FYB1: variants seen among roughly 807,000 people sequenced by gnomAD.
FYB1 encodes FYN-binding protein 1.
Under a neutral mutation model 94.1 loss-of-function variants are expected in FYB1, and 41 were observed. The observed-to-expected ratio is 0.44, with a 90% CI of 0.34 to 0.57. The LOEUF is 0.57. FYB1 is among the 20% of genes least tolerant of loss of function. The probability of loss-of-function intolerance (pLI) is 0.02; values close to 1 mark genes in which losing one functional copy is unlikely to be tolerated. For synonymous variants in FYB1, 367 were observed against 353.2 expected, an observed-to-expected ratio of 1.04 and a Z score of -0.44; for missense variants, 1,050 against 976.8, an observed-to-expected ratio of 1.07 and a Z score of -1.00.
In FYB1 at chr5:39,228,525, T is replaced by TGC. The variant is rs1554042374; in HGVS notation, c.-27-25539_-27-25538insGC. 2.7e-3 allele frequency among the ~76,000 whole-genome samples: 417 copies of TGC among 152,042 alleles called. 2 individuals are homozygous for TGC. The highest frequency in any genetic ancestry group is 0.01 in the Middle Eastern group (3 of 294). On this transcript the variant is annotated intron_variant, in intron 1 of 1. Transcript: ENST00000510188. The stretch of plus-strand genomic sequence containing the variant: ...CCAACTTTGGAAAAGTTGTCACCTA[T>TGC]AGTAATGTGTTGTCAGTTTCTTTCC...
chr5:39,244,569 A>G (rs1333935453), intron 1 of FYB1, among the ~76,000 whole-genome samples: 1 of 151,942 alleles, frequency 6.6e-6, no homozygotes, highest in African/African-American at 2.4e-5. Context: ...TTTTTGCATC[A>G]ATGCTCATCG....
chr5:39,259,253 A>G (rs1752114817), intron 1 of FYB1, among the ~76,000 whole-genome samples: 1 of 152,254 alleles, frequency 6.6e-6, no homozygotes, highest in South Asian at 2.1e-4. Flanking sequence ...AGAGATGCTG[A>G]TAATCATTCT....
intron 2 of FYB1, among the ~76,000 whole-genome samples, chr5:39,165,651 A>G (rs771218049): frequency 6.6e-6 from 1 of 152,220 alleles, no homozygotes; most frequent in Non-Finnish European, 1.5e-5. Context: ...ATTTAACTAA[A>G]CTAGAAAGCT....
Position 39,169,132 on chromosome 5 carries a change from A to G in FYB1, c.1136-15528T>C, listed in dbSNP as rs1479527609. 1.0e-5 allele frequency: 7 copies of G among 699,708 alleles called. No homozygotes were observed. The East Asian group carries it at 1.5e-4, about 15-fold the overall frequency. The allele number at this position is 699,708 out of a possible 1,614,324, so 43.3% of individuals were successfully genotyped here. A position where few individuals can be genotyped will look rare whatever the true frequency, so the allele number is the denominator to read the frequency against. Reference sequence around the variant, plus strand: ...AATAATCTTGTGCACATTCTCAGAAATTTTAGGCAATTGGCCTTCTTGCAG... The same window carrying G: ...AATAATCTTGTGCACATTCTCAGAAGTTTTAGGCAATTGGCCTTCTTGCAG... On this transcript the variant is annotated intron_variant, in intron 2 of 18. Coordinates refer to ENST00000512982, the MANE Select transcript of FYB1 (RefSeq NM_001465.6).
At chr5:39,219,384 T>C (rs1027963817) in intron 1 of FYB1, 59 bp downstream of exon 1, 79 of 969,550 alleles carry the variant, frequency 8.1e-5, no homozygotes, top group Non-Finnish European at 9.3e-5. Context: ...TGGTGCTTTT[T>C]TCCTGCTATA....
rs1327704833 is a variant in FYB1, at chr5:39,106,468, C to T, written c.*975G>A. On this transcript the variant is annotated 3_prime_UTR_variant, in exon 19 of 19. Coordinates refer to ENST00000512982, the MANE Select transcript of FYB1 (RefSeq NM_001465.6). ...ATGTACTGTTAGAGAAGGGCCCAAT[C>T]CAAACACTAGAATTTTAATAATTTC... The T allele has an allele frequency of 2.0e-5, 3 of 152,016 alleles. No individual in the cohort carries two copies. The highest frequency in any genetic ancestry group is 2.1e-4 in the South Asian group (1 of 4,814). The allele number at this position is 152,016 out of a possible 1,614,324, so 9.4% of individuals were successfully genotyped here. A position where few individuals can be genotyped will look rare whatever the true frequency, so the allele number is the denominator to read the frequency against.
At chr5:39,176,189 C>T (rs1296399760) in intron 2 of FYB1, among the ~76,000 whole-genome samples, 4 of 138,278 alleles carry the variant, frequency 2.9e-5, no homozygotes, top group African/African-American at 5.6e-5. Context: ...CTCACTCTGT[C>T]GCCCAGACTG....
chr5:39,217,325 A>G (rs1354725021), intron 1 of FYB1, among the ~76,000 whole-genome samples: 2 of 152,234 alleles, frequency 1.3e-5, no homozygotes, highest in Non-Finnish European at 2.9e-5. Context: ...CCTTCATTTT[A>G]CAAAAAAGAA....
chr5:39,209,407 A>G (rs1447320752), intron 1 of FYB1, among the ~76,000 whole-genome samples: 1 of 151,446 alleles, frequency 6.6e-6, no homozygotes, highest in East Asian at 1.9e-4. Flanking sequence ...GCTCACTGCA[A>G]TCTCTGCCTC....
chr5:39,179,293 G>A (rs1430858054), intron 2 of FYB1, among the ~76,000 whole-genome samples: 1 of 152,136 alleles, frequency 6.6e-6, no homozygotes, highest in African/African-American at 2.4e-5. Flanking sequence ...TTGCTAACAT[G>A]ACCACTGTGC....
At chr5:39,190,218 T>C (rs1747233425) in intron 2 of FYB1, among the ~76,000 whole-genome samples, 1 of 152,166 alleles carries the variant, frequency 6.6e-6, no homozygotes, top group Non-Finnish European at 1.5e-5. Context: ...TTTCTGTGGG[T>C]TTCACTGACC....
At position 39,240,280 on chromosome 5, in the gene FYB1, A is replaced by T. The variant is rs147343279; in HGVS notation, c.-28+34123T>A. On this transcript the variant is annotated intron_variant, in intron 1 of 1. Transcript: ENST00000510188. ...AGGCCCTGGCAAAGATTTCATGACA[A>T]AGATGCCAAAAGCAACTGCAATAAA... is the stretch of plus-strand genomic sequence containing the variant. 7.4e-4 allele frequency among the ~76,000 whole-genome samples: 112 copies of T among 152,338 alleles called. 1 individual carries two copies. The Middle Eastern group carries it at 0.014, about 19-fold the overall frequency.
At chr5:39,136,083 T>C (rs1741652839) in intron 7 of FYB1, among the ~76,000 whole-genome samples, 1 of 152,194 alleles carries the variant, frequency 6.6e-6, no homozygotes, top group Non-Finnish European at 1.5e-5. Flanking sequence ...TTGTTATTTT[T>C]TTTTGAGATG....
chr5:39,247,898 T>TGTTTTGTTTTGTTTG, intron 1 of FYB1, among the ~76,000 whole-genome samples: 1 of 152,042 alleles, frequency 6.6e-6, no homozygotes. Flanking sequence ...GTTTTTGTTT[T>TGTTTTGTTTTGTTTG]GTTTTGTTTT....
intron 2 of FYB1, among the ~76,000 whole-genome samples, chr5:39,184,189 C>A (rs57416689): frequency 2.0e-5 from 3 of 152,104 alleles, no homozygotes; most frequent in African/African-American, 7.2e-5. Context: ...CAAAAACTAT[C>A]TAAAGCAGAT....
At chr5:39,192,201 A>G (rs544621232) in intron 2 of FYB1, among the ~76,000 whole-genome samples, 40 of 152,240 alleles carry the variant, frequency 2.6e-4, no homozygotes, top group Non-Finnish European at 3.2e-4. Context: ...TGTATGCACA[A>G]TCGAAAGGAA....
At chr5:39,121,183 CAAA>C (rs56376626) in intron 14 of FYB1, among the ~76,000 whole-genome samples, 34 of 57,664 alleles carry the variant, frequency 5.9e-4, no homozygotes, top group African/African-American at 9.6e-4. Flanking sequence ...TAATGTAAAG[CAAA>C]AAAAAAAAAA....
chr5:39,234,799 C>G (rs1014347722), intron 1 of FYB1, among the ~76,000 whole-genome samples: 17 of 151,996 alleles, frequency 1.1e-4, no homozygotes, highest in Non-Finnish European at 2.2e-4. Context: ...AACAGAAAAC[C>G]AAACACCACA....
chr5:39,186,102 G>A (rs1746761142), intron 2 of FYB1, among the ~76,000 whole-genome samples: 1 of 151,980 alleles, frequency 6.6e-6, no homozygotes, highest in South Asian at 2.1e-4. Flanking sequence ...CAGAAACGGT[G>A]GACAATTGAA....
Sources: gnomAD v4.1 joint callset for allele counts (sites outside exome capture counted in the v4.1 genomes callset) on GRCh38, gnomAD v4.1.1 for gene constraint, MANE v1.5 for transcripts, NCBI Gene and HGNC (gene_info 2026-07-23, HGNC 2026-07-21) for gene names.